The following B4GALT6 variants were observed in gnomAD, a reference collection of about 807,000 sequenced individuals.
The protein encoded by B4GALT6 is beta-1,4-galactosyltransferase 6.
Under a neutral mutation model 46.3 loss-of-function variants are expected in B4GALT6, and 14 were observed. That is an observed-to-expected ratio of 0.30 (90% CI 0.20 to 0.47). B4GALT6 has a LOEUF of 0.47. Ranked by LOEUF, B4GALT6 falls within the 20% of genes least tolerant of loss-of-function variation. The pLI, the probability that B4GALT6 is intolerant of heterozygous loss-of-function variation, is 0.99. For missense variants in B4GALT6, 386 were observed against 480.1 expected, an observed-to-expected ratio of 0.80 and a Z score of 1.83; for synonymous variants, 168 against 162.0, an observed-to-expected ratio of 1.04 and a Z score of -0.28.
At chr18:31,718,304 T>C in the B4GALT6 span, among the ~76,000 whole-genome samples, 1 of 152,220 alleles carries the variant, frequency 6.6e-6, no homozygotes, top group Non-Finnish European at 1.5e-5. Flanking sequence ...CTGAACATCT[T>C]ACAATGCACA....
intron 5 of B4GALT6, among the ~76,000 whole-genome samples, chr18:31,635,819 A>G (rs991641374): frequency 6.6e-6 from 1 of 151,060 alleles, no homozygotes. Context: ...CTCTGTCTCA[A>G]AAAAAAACTT....
chr18:31,650,259 G>A (rs2074047723), intron 3 of B4GALT6, among the ~76,000 whole-genome samples: 1 of 152,176 alleles, frequency 6.6e-6, no homozygotes, highest in Non-Finnish European at 1.5e-5. Flanking sequence ...GCAGCTGACT[G>A]GCCACATTGT....
chr18:31,708,920 A>G, the B4GALT6 span, among the ~76,000 whole-genome samples: 8 of 152,176 alleles, frequency 5.3e-5, no homozygotes, highest in Non-Finnish European at 8.8e-5. Context: ...AGGAATGCCA[A>G]TTTTCATTTT....
At chr18:31,721,270 G>C in the B4GALT6 span, among the ~76,000 whole-genome samples, 8 of 152,048 alleles carry the variant, frequency 5.3e-5, no homozygotes, top group Middle Eastern at 3.2e-3. Flanking sequence ...AGCCAACATG[G>C]CACATGTATA....
intron 1 of B4GALT6, 90 bp downstream of exon 1, chr18:31,684,222 C>G: frequency 1.3e-6 from 2 of 1,580,756 alleles, no homozygotes; most frequent in Non-Finnish European, 1.7e-6. Flanking sequence ...CCTGTTTGAA[C>G]AGCTTCCAAA....
intron 3 of B4GALT6, 95 bp from the exon 4 acceptor site, chr18:31,645,574 G>A: frequency 7.8e-7 from 1 of 1,278,222 alleles, no homozygotes; most frequent in East Asian, 2.5e-5. Flanking sequence ...GCATATCTTA[G>A]TTGCCAGGAC....
chr18:31,715,293 A>G, the B4GALT6 span, among the ~76,000 whole-genome samples: 1 of 152,004 alleles, frequency 6.6e-6, no homozygotes, highest in Non-Finnish European at 1.5e-5. Context: ...TGGCATGATC[A>G]CAGCTCACTG....
At chr18:31,721,629 C>A in the B4GALT6 span, among the ~76,000 whole-genome samples, 1 of 152,142 alleles carries the variant, frequency 6.6e-6, no homozygotes, top group Admixed American at 6.5e-5. Flanking sequence ...AGGTCTTATC[C>A]AATCAGTTAA....
Position 31,684,472 on chromosome 18 carries a change from C to G in B4GALT6, c.-46G>C, listed in dbSNP as rs776163448. 3.8e-6 allele frequency: 6 copies of G among 1,597,446 alleles called. No homozygotes were observed. Among genetic ancestry groups the G allele is most frequent in the African/African-American group, 2.7e-5 (2 of 74,610 alleles). ...GCCCAGGCTGCGCTCTCAGGCCGGA[C>G]TCGGGGCCACTGTCCAGGCCCTAAA... On this transcript the variant is annotated 5_prime_UTR_variant, in exon 1 of 9. Transcript: ENST00000306851.
intron 3 of B4GALT6, among the ~76,000 whole-genome samples, chr18:31,650,327 T>C (rs2074048287): frequency 6.6e-6 from 1 of 152,246 alleles, no homozygotes; most frequent in African/African-American, 2.4e-5. Flanking sequence ...TGGCTTTAAC[T>C]GAACACATTT....
intron 2 of B4GALT6, among the ~76,000 whole-genome samples, chr18:31,663,038 T>A (rs1019533851): frequency 4.6e-5 from 7 of 152,024 alleles, no homozygotes; most frequent in Middle Eastern, 3.2e-3. Context: ...TGGATAAAAA[T>A]AAAATGAGCT....
chr18:31,689,470 C>T (rs1034648460), upstream of B4GALT6, among the ~76,000 whole-genome samples: 3 of 152,054 alleles, frequency 2.0e-5, no homozygotes, highest in Admixed American at 6.5e-5. Context: ...CTGGGCCGGG[C>T]GCAATGGTTC....
At chr18:31,703,240 G>A in the B4GALT6 span, among the ~76,000 whole-genome samples, 3 of 152,128 alleles carry the variant, frequency 2.0e-5, no homozygotes, top group Non-Finnish European at 4.4e-5. Context: ...TTCTTCATAA[G>A]AATGGGCAGA....
At position 31,622,896 on chromosome 18, in the gene B4GALT6, G is replaced by C. The variant is rs1414622370; in HGVS notation, c.*2718C>G. 1 of 151,930 alleles carries C rather than the reference G, an allele frequency of 6.6e-6. No individual in the cohort carries two copies. The highest frequency in any genetic ancestry group is 2.4e-5 in the African/African-American group (1 of 41,406). The allele number at this position is 151,930 out of a possible 1,614,324, so 9.4% of individuals were successfully genotyped here. A position where few individuals can be genotyped will look rare whatever the true frequency, so the allele number is the denominator to read the frequency against. ...TTAGTCATTACTTCTTTCTGTAGTT[G>C]AAAAGCACCATGTAATTTTCCCAGT... On this transcript the variant is annotated 3_prime_UTR_variant, in exon 9 of 9. Transcript: ENST00000306851.
chr18:31,650,848 A>C (rs2074056208), intron 3 of B4GALT6, among the ~76,000 whole-genome samples: 1 of 151,926 alleles, frequency 6.6e-6, no homozygotes, highest in South Asian at 2.1e-4. Context: ...GGCTCACTAC[A>C]AGCTCCGCCT....
intron 5 of B4GALT6, among the ~76,000 whole-genome samples, chr18:31,637,260 G>A (rs539984592): frequency 1.5e-4 from 14 of 95,226 alleles, no homozygotes; most frequent in South Asian, 2.6e-4. Flanking sequence ...GAAACAAAAC[G>A]AATAAGCTTT....
chr18:31,709,599 G>GTA, the B4GALT6 span, among the ~76,000 whole-genome samples: 20 of 80,660 alleles, frequency 2.5e-4, 1 homozygote, highest in Admixed American at 1.0e-3. Context: ...GTGTGTGTGT[G>GTA]TGTGTATATA....
At chr18:31,717,389 T>C in the B4GALT6 span, among the ~76,000 whole-genome samples, 14 of 152,300 alleles carry the variant, frequency 9.2e-5, no homozygotes, top group East Asian at 2.5e-3. Context: ...GGGGAGTTTC[T>C]GGGTGCTGCA....
intron 6 of B4GALT6, among the ~76,000 whole-genome samples, chr18:31,628,079 T>C (rs1365025588): frequency 1.3e-5 from 2 of 152,212 alleles, no homozygotes; most frequent in African/African-American, 4.8e-5. Flanking sequence ...AGCTGGGGTC[T>C]TGTGTGGCAC....
Sources: gnomAD v4.1 joint callset for allele counts (sites outside exome capture counted in the v4.1 genomes callset) on GRCh38, gnomAD v4.1.1 for gene constraint, MANE v1.5 for transcripts, NCBI Gene and HGNC (gene_info 2026-07-23, HGNC 2026-07-21) for gene names.